CCDC171: variants seen among roughly 807,000 people sequenced by gnomAD.
CCDC171 encodes coiled-coil domain containing 171.
Under a neutral mutation model 168.2 loss-of-function variants are expected in CCDC171, and 177 were observed. The ratio of observed to expected loss-of-function variants is 1.05; its 90% confidence interval spans 0.93 to 1.19. CCDC171 has a LOEUF of 1.19. Among genes scored for constraint, CCDC171 ranks in the 50% most tolerant of loss-of-function variants. The pLI is 0.00. For missense variants in CCDC171, 1,991 were observed against 1,539.0 expected, an observed-to-expected ratio of 1.29 and a Z score of -4.91; for synonymous variants, 687 against 540.8, an observed-to-expected ratio of 1.27 and a Z score of -3.75.
chr9:15,696,416 A>T (rs956235954), intron 11 of CCDC171, among the ~76,000 whole-genome samples: 3 of 152,136 alleles, frequency 2.0e-5, no homozygotes, highest in Non-Finnish European at 4.4e-5. Context: ...TTTTTATGTA[A>T]ACTTTTCCCA....
At chr9:15,873,891 T>C (rs985245493) in intron 23 of CCDC171, among the ~76,000 whole-genome samples, 3 of 152,122 alleles carry the variant, frequency 2.0e-5, no homozygotes, top group Non-Finnish European at 4.4e-5. Context: ...ATACTACTGA[T>C]TTTATCTGTT....
intron 24 of CCDC171, among the ~76,000 whole-genome samples, chr9:15,906,219 C>A (rs1170889939): frequency 2.0e-5 from 3 of 152,118 alleles, no homozygotes; most frequent in South Asian, 4.2e-4. Flanking sequence ...AGACACAACC[C>A]AAAAAGAGAA....
chr9:15,862,701 A>G (rs2061612869), intron 23 of CCDC171, among the ~76,000 whole-genome samples: 1 of 151,734 alleles, frequency 6.6e-6, no homozygotes, highest in Admixed American at 6.6e-5. Flanking sequence ...GACCTTCACC[A>G]ATAAACTTGG....
intron 1 of CCDC171, among the ~76,000 whole-genome samples, chr9:16,052,430 C>G (rs1354189965): frequency 6.6e-6 from 1 of 152,172 alleles, no homozygotes. Flanking sequence ...CCAAGATACC[C>G]CTGGGTTACA....
chr9:16,010,586 C>T (rs1483383204), intron 3 of CCDC171, among the ~76,000 whole-genome samples: 1 of 152,154 alleles, frequency 6.6e-6, no homozygotes, highest in Non-Finnish European at 1.5e-5. Context: ...GCCCACTCAG[C>T]TCTTTTCCTT....
At chr9:16,088,371 G>A in the CCDC171 span, among the ~76,000 whole-genome samples, 1 of 152,146 alleles carries the variant, frequency 6.6e-6, no homozygotes, top group African/African-American at 2.4e-5. Context: ...TTCTGGCCAG[G>A]GCAATCAGGC....
chr9:15,990,935 A>G lies in CCDC171; in HGVS notation n.369-29654A>G, dbSNP rs190952124. Among the ~76,000 whole-genome samples, 790 of 152,340 alleles carry G rather than the reference A, an allele frequency of 5.2e-3. 8 individuals are homozygous for G. The highest frequency in any genetic ancestry group is 0.019 in the African/African-American group (771 of 41,562). On this transcript the variant is annotated intron_variant and non_coding_transcript_variant, in intron 3 of 9. Coordinates refer to the CCDC171 transcript ENST00000486641. ...ACCCAGATTCATAAAGCAAGTCCTT[A>G]GAGACCTACAAAGAGACTTAGACTC...
chr9:15,732,011 C>G (rs1454497720), intron 16 of CCDC171, among the ~76,000 whole-genome samples: 1 of 152,004 alleles, frequency 6.6e-6, no homozygotes, highest in Admixed American at 6.6e-5. Context: ...AGTATCTCTT[C>G]TACTGTTTTC....
At chr9:16,068,790 G>T in the CCDC171 span, among the ~76,000 whole-genome samples, 1 of 131,148 alleles carries the variant, frequency 7.6e-6, no homozygotes, top group Non-Finnish European at 1.8e-5. Flanking sequence ...ATGTATTCTG[G>T]TTTTTATGGG....
chr9:15,776,355 CTT>C (rs937148274), intron 18 of CCDC171: 3 of 152,012 alleles, frequency 2.0e-5, no homozygotes, highest in African/African-American at 7.2e-5. Context: ...TATACTTTGT[CTT>C]TTTTCCATGG....
At chr9:15,895,225 C>T (rs1820755498) in intron 24 of CCDC171, among the ~76,000 whole-genome samples, 1 of 152,066 alleles carries the variant, frequency 6.6e-6, no homozygotes, top group South Asian at 2.1e-4. Context: ...TATGCCATCA[C>T]AGAAAACAGA....
intron 5 of CCDC171, 35 bp from the exon 6 acceptor site, chr9:15,594,006 A>T (rs1354296998): frequency 2.0e-6 from 3 of 1,474,408 alleles, no homozygotes; most frequent in Admixed American, 2.0e-5. Context: ...ACTTTTATTG[A>T]TCTAACAGTA....
chr9:16,044,532 A>ATT lies in CCDC171; in HGVS notation n.89+1660_89+1661dup, dbSNP rs34154704. Among the ~76,000 whole-genome samples the ATT allele has an allele frequency of 7.3e-3, 1,065 of 145,554 alleles. 7 individuals carry two copies. The highest frequency in any genetic ancestry group is 0.015 in the African/African-American group (578 of 39,750). ...ATCAAATATAGCCAGCTATTTAATA[A>ATT]TTTTTTTTTTTTTTTGGTTCTTTGA... On this transcript the variant is annotated intron_variant and non_coding_transcript_variant, in intron 1 of 1. Coordinates refer to the CCDC171 transcript ENST00000478913.
At chr9:15,864,149 A>C (rs1169217554) in intron 23 of CCDC171, among the ~76,000 whole-genome samples, 3 of 151,658 alleles carry the variant, frequency 2.0e-5, no homozygotes, top group Non-Finnish European at 2.9e-5. Context: ...GCTAATTCTG[A>C]CCTTTTTTTG....
At chr9:16,065,122 G>A (rs1162840824), downstream of CCDC171, among the ~76,000 whole-genome samples, 2 of 152,160 alleles carry the variant, frequency 1.3e-5, no homozygotes, top group East Asian at 1.9e-4. Flanking sequence ...GTCCGCCTGC[G>A]AGCAAAGCAC....
Position 15,820,865 on chromosome 9 carries a change from G to C in CCDC171, c.3268-25837G>C, listed in dbSNP as rs1325728414. Among the ~76,000 whole-genome samples, 4 of 115,952 alleles carry C rather than the reference G, an allele frequency of 3.4e-5. 1 individual carries two copies. The highest frequency in any genetic ancestry group is 1.3e-4 in the African/African-American group (4 of 30,720). 76.1% of individuals were successfully genotyped at this position (115,952 alleles called of 152,430 possible). On this transcript the variant is annotated intron_variant, in intron 21 of 25. Coordinates refer to ENST00000380701, the MANE Select transcript of CCDC171 (RefSeq NM_173550.4). ...GCCAGCATCATCCTGATACCAAAGCGTGGCAGAGACACAACAAAAAAAGAG... is the reference window on the plus strand; with the variant it reads ...GCCAGCATCATCCTGATACCAAAGCCTGGCAGAGACACAACAAAAAAAGAG...
At chr9:15,590,517 G>T (rs1485565304) in intron 4 of CCDC171, among the ~76,000 whole-genome samples, 1 of 152,204 alleles carries the variant, frequency 6.6e-6, no homozygotes, top group Non-Finnish European at 1.5e-5. Flanking sequence ...GTGTTAGTGT[G>T]TTGATAGGTG....
chr9:15,838,177 A>G (rs1470381107), intron 21 of CCDC171, among the ~76,000 whole-genome samples: 1 of 152,198 alleles, frequency 6.6e-6, no homozygotes, highest in Non-Finnish European at 1.5e-5. Flanking sequence ...AATATTTAAT[A>G]TATACTCTGA....
intron 3 of CCDC171, among the ~76,000 whole-genome samples, chr9:16,017,168 A>T (rs1833047236): frequency 1.3e-5 from 2 of 152,184 alleles, no homozygotes; most frequent in African/African-American, 4.8e-5. Flanking sequence ...TTAAGGAGGA[A>T]ACCAGAAAAG....
Sources: allele counts gnomAD v4.1 joint callset (sites outside exome capture counted in the v4.1 genomes callset), GRCh38; gene constraint gnomAD v4.1.1; transcripts MANE v1.5; gene names NCBI Gene and HGNC (gene_info 2026-07-23, HGNC 2026-07-21).